PAQR5: variants seen among roughly 807,000 people sequenced by gnomAD.
PAQR5 encodes progestin and adipoQ receptor family member 5, also known as membrane progestin receptor gamma.
Under a neutral mutation model 34.5 loss-of-function variants are expected in PAQR5, and 20 were observed. The ratio of observed to expected loss-of-function variants is 0.58; its 90% confidence interval spans 0.41 to 0.84. The LOEUF (loss-of-function observed/expected upper bound fraction) is 0.84, where lower values mean the gene tolerates loss of function less well. Ranked by LOEUF, PAQR5 falls within the 40% of genes least tolerant of loss-of-function variation. The pLI is 0.00. For synonymous variants in PAQR5, 131 were observed against 155.6 expected (o/e 0.84, Z 1.18); for missense variants, 378 against 412.7 (o/e 0.92, Z 0.73).
chr15:69,310,548 C>T (rs893720854), intron 1 of PAQR5, among the ~76,000 whole-genome samples: 11 of 152,154 alleles, frequency 7.2e-5, no homozygotes, highest in Non-Finnish European at 1.6e-4. Flanking sequence ...TGTGAACTGT[C>T]TATTCATATG....
At position 69,300,582 on chromosome 15, in the gene PAQR5, TTTCTTTCC is replaced by T. The variant is rs1336595373; in HGVS notation, c.-277+1534_-277+1541del. Among the ~76,000 whole-genome samples, 33 of 80,378 alleles carry T rather than the reference TTTCTTTCC, an allele frequency of 4.1e-4. 6 individuals carry two copies. The highest frequency in any genetic ancestry group is 9.5e-4 in the Admixed American group (6 of 6,348). 52.7% of individuals were successfully genotyped at this position (80,378 alleles called of 152,430 possible). ...GCTTTTCTTTCTTTCTCTTTCTTTC[TTTCTTTCC>T]TTCTTTCTTTCTTTCTTTCTTTCTT... On this transcript the variant is annotated intron_variant, in intron 1 of 8. Transcript: ENST00000395407.
At chr15:69,386,559 T>A (rs1008139974) in intron 5 of PAQR5, among the ~76,000 whole-genome samples, 1 of 151,946 alleles carries the variant, frequency 6.6e-6, no homozygotes, top group African/African-American at 2.4e-5. Flanking sequence ...CTCTGGTCCC[T>A]GTCACATCCC....
In PAQR5 at chr15:69,384,730, A is replaced by G. The variant is rs750587159; in HGVS notation, c.233A>G (p.Asp78Gly). The change falls in exon 5 of 9, where the codon GAC becomes GGC. Residue 78 changes from aspartate to glycine, a missense_variant. Physicochemically the swap from Asp to Gly is moderately conservative, Grantham distance 94 (BLOSUM62 -1). Transcript: ENST00000395407. ...TALYMTDIKN[D>G]SYSWPMLVYM... is the part of the protein sequence containing the mutation. ...CTGTATATGACAGACATCAAGAATG[A>G]CAGCTACTCCTGGCCCATGCTTGTG... The G allele has an allele frequency of 1.9e-6, 3 of 1,614,070 alleles. No individual in the cohort carries two copies. Among genetic ancestry groups the G allele is most frequent in the Non-Finnish European group, 2.5e-6 (3 of 1,179,948 alleles).
rs1249557947 is a variant in PAQR5 at position 69,385,557 on chromosome 15, A to G, written c.385+675A>G. Among the ~76,000 whole-genome samples the G allele has an allele frequency of 1.3e-5, 2 of 152,098 alleles. No individual in the cohort carries two copies. Among genetic ancestry groups the G allele is most frequent in the Non-Finnish European group, 1.5e-5 (1 of 68,002 alleles). ...CTCTTCCTTGTCTTTTTCTTTGACT[A>G]TGATGCTCCCTCCTCTGGCCTCTTC... On this transcript the variant is annotated intron_variant, in intron 5 of 8. Transcript: ENST00000395407. The surrounding 1 kb of genome is among the most constrained non-coding windows in gnomAD (Gnocchi z 4.7).
chr15:69,345,628 A>T (rs1033644251), intron 2 of PAQR5, among the ~76,000 whole-genome samples: 11 of 152,142 alleles, frequency 7.2e-5, no homozygotes, highest in Non-Finnish European at 1.5e-4. Context: ...TTTTAAGGCT[A>T]TTTCAGGGGA....
At chr15:69,367,701 A>C (rs2055438403) in intron 3 of PAQR5, among the ~76,000 whole-genome samples, 1 of 152,234 alleles carries the variant, frequency 6.6e-6, no homozygotes, top group South Asian at 2.1e-4. Context: ...GTTTCCCTAG[A>C]AACAGACTTT....
At chr15:69,353,463 C>T (rs145259181) in intron 2 of PAQR5, among the ~76,000 whole-genome samples, 1 of 152,290 alleles carries the variant, frequency 6.6e-6, no homozygotes, top group African/African-American at 2.4e-5. Context: ...GACAATGGGC[C>T]CATGCTCATG....
At position 69,404,851 on chromosome 15, in the gene PAQR5, G is replaced by T; in HGVS notation, c.*1029G>T. 1 of 397,992 alleles carries T rather than the reference G, an allele frequency of 2.5e-6. No individual in the cohort carries two copies. The highest frequency in any genetic ancestry group is 6.3e-4 in the Middle Eastern group (1 of 1,588). The allele number at this position is 397,992 out of a possible 1,614,324, so 24.7% of individuals were successfully genotyped here. On this transcript the variant is annotated 3_prime_UTR_variant, in exon 9 of 9. Transcript: ENST00000395407. ...TGCAGACTCCTAGGGAAAACCAGGG[G>T]GTTCTGCTTCACTAGGTTAAATGTA...
At chr15:69,355,699 G>A (rs2055059515) in intron 2 of PAQR5, among the ~76,000 whole-genome samples, 1 of 152,074 alleles carries the variant, frequency 6.6e-6, no homozygotes, top group Non-Finnish European at 1.5e-5. Context: ...GGGATTACAG[G>A]TGTAAGGCAT....
In PAQR5 at chr15:69,389,803, A is replaced by G. The variant is rs200024140; in HGVS notation, c.512+23A>G. On this transcript the variant is annotated intron_variant, in intron 6 of 8. Coordinates refer to ENST00000395407, the MANE Select transcript of PAQR5 (RefSeq NM_017705.4). ...CAGGTACTGGTCGCTCTGACCTCAG[A>G]TGGGAGGGGAGGGAGGGTCTTGCAT... 1.3e-3 allele frequency: 2,008 copies of G among 1,598,686 alleles called. 4 individuals are homozygous for G. The highest frequency in any genetic ancestry group is 1.5e-3 in the Non-Finnish European group (1,807 of 1,169,408).
chr15:69,355,165 A>ATCTCTC (rs111764681), intron 2 of PAQR5, among the ~76,000 whole-genome samples: 2 of 145,096 alleles, frequency 1.4e-5, no homozygotes, highest in African/African-American at 5.1e-5. Context: ...CCTGTCACCC[A>ATCTCTC]TCTCTCTCTC....
At chr15:69,378,119 T>G (rs2055760020) in intron 3 of PAQR5, among the ~76,000 whole-genome samples, 3 of 151,348 alleles carry the variant, frequency 2.0e-5, no homozygotes, top group African/African-American at 7.3e-5. Context: ...AAAAAATTAG[T>G]CGGGCATTGT....
At chr15:69,382,490 CAA>C (rs1007810718) in intron 4 of PAQR5, among the ~76,000 whole-genome samples, 10 of 151,402 alleles carry the variant, frequency 6.6e-5, no homozygotes, top group African/African-American at 2.4e-4. Flanking sequence ...ACTAAAAATA[CAA>C]AAGTTAGCCA....
intron 3 of PAQR5, 85 bp from the exon 4 acceptor site, chr15:69,379,798 G>C (rs1046819026): frequency 1.3e-6 from 2 of 1,508,918 alleles, no homozygotes; most frequent in Middle Eastern, 1.9e-4. Context: ...CAGGCACACA[G>C]AGCACGGCCT....
Position 69,344,205 on chromosome 15 carries a change from C to T in PAQR5, c.-116+6704C>T, listed in dbSNP as rs559939888. Reference sequence around the variant, plus strand: ...AGTTCATGCATGGCTGATGTGACGGCTGTCTTGTGGCATGCTTCAGCTGAA... The same window carrying T: ...AGTTCATGCATGGCTGATGTGACGGTTGTCTTGTGGCATGCTTCAGCTGAA... On this transcript the variant is annotated intron_variant, in intron 2 of 8. Coordinates refer to ENST00000395407, the MANE Select transcript of PAQR5 (RefSeq NM_017705.4). Among the ~76,000 whole-genome samples, 31 of 152,320 alleles carry T rather than the reference C, an allele frequency of 2.0e-4. No individual in the cohort carries two copies. The East Asian group carries it at 4.6e-3, about 23-fold the overall frequency.
At chr15:69,299,629 G>C (rs1346665271) in intron 1 of PAQR5, among the ~76,000 whole-genome samples, 2 of 152,288 alleles carry the variant, frequency 1.3e-5, no homozygotes, top group South Asian at 2.1e-4. Context: ...GCCTCCCCCC[G>C]GCCACAGCCC....
intron 1 of PAQR5, among the ~76,000 whole-genome samples, chr15:69,329,964 C>T (rs766992046): frequency 6.6e-6 from 1 of 152,112 alleles, no homozygotes; most frequent in Non-Finnish European, 1.5e-5. Context: ...TTCATTTTAG[C>T]TCCCCCATAG....
chr15:69,388,818 T>C (rs1306064588), intron 5 of PAQR5, among the ~76,000 whole-genome samples: 2 of 152,226 alleles, frequency 1.3e-5, no homozygotes, highest in African/African-American at 4.8e-5. Flanking sequence ...CAATTCCTGA[T>C]GTCTTTGGAA....
chr15:69,333,437 T>C lies in PAQR5; in HGVS notation c.-276-3904T>C, dbSNP rs141597963. On this transcript the variant is annotated intron_variant, in intron 1 of 8. Coordinates refer to ENST00000395407, the MANE Select transcript of PAQR5 (RefSeq NM_017705.4). ...GAAATATACTTTAGGGAGTGGCTAATAGTAGTTGTGGAGGGATACTTGACT... is the reference window on the plus strand; with the variant it reads ...GAAATATACTTTAGGGAGTGGCTAACAGTAGTTGTGGAGGGATACTTGACT... Among the ~76,000 whole-genome samples the C allele has an allele frequency of 1.1e-3, 165 of 152,258 alleles. 1 individual carries two copies. Among genetic ancestry groups the C allele is most frequent in the African/African-American group, 3.8e-3 (156 of 41,542 alleles).
Sources: gnomAD v4.1 joint callset for allele counts (sites outside exome capture counted in the v4.1 genomes callset) on GRCh38, gnomAD v4.1.1 for gene constraint, Gnocchi (gnomAD v3.1) non-coding constraint, MANE v1.5 for transcripts, NCBI Gene and HGNC (gene_info 2026-07-23, HGNC 2026-07-21) for gene names.